MYLK: variants seen among roughly 807,000 people sequenced by gnomAD.
MYLK encodes myosin light chain kinase.
In MYLK, 106 loss-of-function variants were observed where a neutral mutation model predicts 203.4. The ratio of observed to expected loss-of-function variants is 0.52; its 90% confidence interval spans 0.45 to 0.61. The LOEUF (loss-of-function observed/expected upper bound fraction) is 0.61, where lower values mean the gene tolerates loss of function less well. MYLK is among the 20% of genes least tolerant of loss of function. The pLI is 0.00. For synonymous variants in MYLK, 867 were observed against 959.5 expected (o/e 0.90, Z 1.78); for missense variants, 2,072 against 2,442.3 (o/e 0.85, Z 3.20).
intron 20 of MYLK, among the ~76,000 whole-genome samples, chr3:123,679,326 A>C (rs892362488): frequency 2.0e-5 from 3 of 151,668 alleles, no homozygotes; most frequent in Non-Finnish European, 4.4e-5. Context: ...AAAAAAACAA[A>C]ACAAGACATC....
rs950927133 is a variant in MYLK at position 123,612,671 on chromosome 3, T to C, written c.*1434A>G. On this transcript the variant is annotated 3_prime_UTR_variant, in exon 34 of 34. Coordinates refer to ENST00000360304, the MANE Select transcript of MYLK (RefSeq NM_053025.4). ...CAGCAAAAAGCAGATAAAAATAGAA[T>C]GGAAGATAACATAAGACTAATATCA... 1.3e-5 allele frequency: 2 copies of C among 152,608 alleles called. No individual in the cohort carries two copies. The highest frequency in any genetic ancestry group is 2.9e-5 in the Non-Finnish European group (2 of 68,026). The allele number at this position is 152,608 out of a possible 1,614,324, so 9.5% of individuals were successfully genotyped here. A position where few individuals can be genotyped will look rare whatever the true frequency, so the allele number is the denominator to read the frequency against.
chr3:123,656,683 A>C lies in MYLK; in HGVS notation c.4288+443T>G, dbSNP rs560733156. ...TCTTTTTTTACCCAGCTATAATAGG[A>C]TGCATCCCTTCTCATTATAGTTAGC... On this transcript the variant is annotated intron_variant, in intron 24 of 33. Transcript: ENST00000360304. 9.3e-4 allele frequency among the ~76,000 whole-genome samples: 141 copies of C among 152,238 alleles called. 1 individual carries two copies. Among genetic ancestry groups the C allele is most frequent in the Admixed American group, 9.2e-3 (141 of 15,300 alleles).
At chr3:123,792,757 A>G (rs1184565848) in intron 4 of MYLK, among the ~76,000 whole-genome samples, 1 of 152,216 alleles carries the variant, frequency 6.6e-6, no homozygotes, top group African/African-American at 2.4e-5. Context: ...TCATCCTGGT[A>G]GTGCCCAGAG....
At chr3:123,735,693 C>A (rs1191410493) in intron 8 of MYLK, 11 of 440,964 alleles carry the variant, frequency 2.5e-5, no homozygotes, top group Non-Finnish European at 3.7e-5. Flanking sequence ...GGAAAAAAAA[C>A]CAATCCAGGG....
chr3:123,755,624 C>T (rs1214873126), intron 4 of MYLK, among the ~76,000 whole-genome samples: 1 of 152,126 alleles, frequency 6.6e-6, no homozygotes, highest in African/African-American at 2.4e-5. Flanking sequence ...TTACTGTCTG[C>T]CACTACCCTG....
chr3:123,639,383 G>A (rs1159430016), intron 28 of MYLK, among the ~76,000 whole-genome samples: 2 of 152,210 alleles, frequency 1.3e-5, no homozygotes, highest in African/African-American at 4.8e-5. Context: ...ACTGAACATC[G>A]TGGGAGACAT....
Position 123,700,462 on chromosome 3 carries a change from G to T in MYLK, c.3006C>A (p.Thr1002=). ...PAENGSSSAE[T]LNAKAVESSK... ...AACTCTCCACTGCCTTGGCATTCAGGGTCTCGGCACTGCTGCTGCCATTCT... is the reference window on the plus strand; with the variant it reads ...AACTCTCCACTGCCTTGGCATTCAGTGTCTCGGCACTGCTGCTGCCATTCT... The change falls in exon 18 of 34, where the codon ACC becomes ACA. Residue 1002 remains threonine (T), a synonymous_variant. Coordinates refer to ENST00000360304, the MANE Select transcript of MYLK (RefSeq NM_053025.4). 4 of 1,608,446 alleles carry T rather than the reference G, an allele frequency of 2.5e-6. No individual in the cohort carries two copies. The South Asian group carries it at 4.4e-5, about 18-fold the overall frequency.
intron 5 of MYLK, among the ~76,000 whole-genome samples, chr3:123,751,525 G>C (rs1218278946): frequency 6.6e-6 from 1 of 152,142 alleles, no homozygotes; most frequent in African/African-American, 2.4e-5. Flanking sequence ...TTTTAATAAT[G>C]AGCATGTATT....
intron 3 of MYLK, among the ~76,000 whole-genome samples, chr3:123,816,381 T>G (rs1434645740): frequency 6.6e-6 from 1 of 152,248 alleles, no homozygotes; most frequent in Non-Finnish European, 1.5e-5. Context: ...TCAGAGGTCA[T>G]GAGGACTGAA....
At position 123,638,157 on chromosome 3, in the gene MYLK, T is replaced by C. The variant is rs1213240260; in HGVS notation, c.4875A>G (p.Pro1625=). 1.2e-6 allele frequency: 2 copies of C among 1,614,046 alleles called. No individual in the cohort carries two copies. The highest frequency in any genetic ancestry group is 1.7e-5 in the Admixed American group (1 of 60,024). The change falls in exon 29 of 34, where the codon CCA becomes CCG. Residue 1625 remains proline, a synonymous_variant. Transcript: ENST00000360304. The part of the protein sequence containing the change: ...AGSLKVLFGT[P]EFVAPEVINY... ...TGATCACTTCAGGAGCCACAAATTC[T>C]GGGGTGCCAAAGAGGACCTTCAGAG...
intron 13 of MYLK, among the ~76,000 whole-genome samples, chr3:123,712,415 T>C (rs2061732520): frequency 6.6e-6 from 1 of 152,222 alleles, no homozygotes; most frequent in Non-Finnish European, 1.5e-5. Context: ...CAGAGCTTCA[T>C]GCAGATGGGC....
At position 123,664,313 on chromosome 3, in the gene MYLK, G is replaced by A. The variant is rs1218655168; in HGVS notation, c.3832-55C>T. ...AGCCTTGGGCCCCTGGGCTAGGAAA[G>A]GAAGGGGGCTCCTCCCCATTCCCTA... On this transcript the variant is annotated intron_variant, in intron 22 of 33. Transcript: ENST00000360304. The A allele has an allele frequency of 1.9e-6, 3 of 1,611,932 alleles. No homozygotes were observed. The East Asian group carries it at 6.7e-5, about 36-fold the overall frequency.
chr3:123,842,321 G>A lies in MYLK; in HGVS notation c.-126-10651C>T, dbSNP rs967294065. ...ATAATAACAGAAGTGAGATAAAGAG[G>A]TAGAGAATACCCCTGGCATCATCAG... is the stretch of plus-strand genomic sequence containing the variant. On this transcript the variant is annotated intron_variant, in intron 2 of 33. Coordinates refer to ENST00000360304, the MANE Select transcript of MYLK (RefSeq NM_053025.4). Among the ~76,000 whole-genome samples the A allele has an allele frequency of 4.6e-5, 7 of 152,162 alleles. No homozygotes were observed. The East Asian group carries it at 1.4e-3, about 29-fold the overall frequency.
In MYLK at chr3:123,859,405, A is replaced by G. The variant is rs371177825; in HGVS notation, c.-127+17154T>C. Among the ~76,000 whole-genome samples, 26 of 152,188 alleles carry G rather than the reference A, an allele frequency of 1.7e-4. No individual in the cohort carries two copies. In the East Asian group the frequency reaches 2.3e-3, roughly 14 times the overall value. On this transcript the variant is annotated intron_variant, in intron 2 of 33. Transcript: ENST00000360304. The stretch of plus-strand genomic sequence containing the variant: ...TCATCAGCTTCTCAACTAGTCAATT[A>G]CTCATCCTAATCACACCTCCAACAC...
chr3:123,708,122 C>A (rs962422948), intron 15 of MYLK, 119 bp from the exon 16 acceptor site: 14 of 1,421,190 alleles, frequency 9.9e-6, no homozygotes, highest in Non-Finnish European at 1.4e-5. Flanking sequence ...ACAGATTGTC[C>A]AGAAATCACT....
At chr3:123,635,946 G>A (rs1228389194) in intron 29 of MYLK, among the ~76,000 whole-genome samples, 4 of 152,122 alleles carry the variant, frequency 2.6e-5, no homozygotes, top group Non-Finnish European at 4.4e-5. Flanking sequence ...TACTATGAAT[G>A]AGTCTCACAA....
intron 2 of MYLK, among the ~76,000 whole-genome samples, chr3:123,864,171 T>A (rs1253433530): frequency 6.6e-6 from 1 of 152,170 alleles, no homozygotes; most frequent in African/African-American, 2.4e-5. Context: ...AATATTAGAA[T>A]AATGGTTGCA....
intron 3 of MYLK, among the ~76,000 whole-genome samples, chr3:123,810,219 C>T (rs749043126): frequency 2.0e-5 from 3 of 152,196 alleles, no homozygotes; most frequent in Non-Finnish European, 2.9e-5. Flanking sequence ...GTAGGTGAAA[C>T]GCGGACATAG....
chr3:123,847,916 C>A (rs554021681), intron 2 of MYLK, among the ~76,000 whole-genome samples: 2 of 151,784 alleles, frequency 1.3e-5, no homozygotes, highest in South Asian at 4.2e-4. Context: ...ACAGCTTTTC[C>A]CCAGTTTCTA....
Sources: allele counts gnomAD v4.1 joint callset (sites outside exome capture counted in the v4.1 genomes callset), GRCh38; gene constraint gnomAD v4.1.1; transcripts MANE v1.5; gene names NCBI Gene and HGNC (gene_info 2026-07-23, HGNC 2026-07-21).